STK32B: variants seen among roughly 807,000 people sequenced by gnomAD.
STK32B encodes serine/threonine-protein kinase 32B.
In STK32B, 43 loss-of-function variants were observed where a neutral mutation model predicts 52.6. The observed-to-expected ratio is 0.82, with a 90% CI of 0.64 to 1.05. The LOEUF is 1.05. Ranked by LOEUF, STK32B falls within the 50% of genes least tolerant of loss-of-function variation. The pLI is 0.00. For synonymous variants in STK32B, 238 were observed against 204.3 expected, an observed-to-expected ratio of 1.17 and a Z score of -1.41; for missense variants, 621 against 534.6, an observed-to-expected ratio of 1.16 and a Z score of -1.59.
chr4:5,389,148 A>G lies in STK32B; in HGVS notation c.435-9059A>G, dbSNP rs921171377. On this transcript the variant is annotated intron_variant, in intron 4 of 11. Coordinates refer to ENST00000282908, the MANE Select transcript of STK32B (RefSeq NM_018401.3). ...ACATTATTAGGCTGTGTGTACATTT[A>G]AAAAATTGTTTCCATGCCTTCAAAT... 2.6e-5 allele frequency among the ~76,000 whole-genome samples: 4 copies of G among 152,202 alleles called. No individual in the cohort carries two copies. The South Asian group carries it at 8.3e-4, about 32-fold the overall frequency.
chr4:5,483,658 T>C (rs1437110586), intron 11 of STK32B, among the ~76,000 whole-genome samples: 1 of 152,194 alleles, frequency 6.6e-6, no homozygotes, highest in African/African-American at 2.4e-5. Context: ...CTTGCTTTTC[T>C]AGTTCTTTTA....
At chr4:5,450,187 C>A (rs1161222430) in intron 7 of STK32B, among the ~76,000 whole-genome samples, 1 of 152,144 alleles carries the variant, frequency 6.6e-6, no homozygotes. Context: ...TAGTTCTTAC[C>A]CTGGCAGGCA....
At chr4:5,216,249 T>G (rs1723176048) in intron 3 of STK32B, among the ~76,000 whole-genome samples, 1 of 152,162 alleles carries the variant, frequency 6.6e-6, no homozygotes, top group Non-Finnish European at 1.5e-5. Flanking sequence ...ATGCTGCTGG[T>G]CTGGGGAGCC....
intron 2 of STK32B, among the ~76,000 whole-genome samples, chr4:5,165,436 G>A (rs1218939663): frequency 6.6e-6 from 1 of 152,132 alleles, no homozygotes; most frequent in Non-Finnish European, 1.5e-5. Context: ...AAACCCAGAA[G>A]CGCCATGGAT....
intron 3 of STK32B, among the ~76,000 whole-genome samples, chr4:5,279,807 C>T (rs369837697): frequency 2.0e-5 from 3 of 152,328 alleles, no homozygotes; most frequent in East Asian, 3.9e-4. Flanking sequence ...AGGCTGGGGA[C>T]TTGCACCCTC....
At chr4:5,239,870 G>A (rs9992267) in intron 3 of STK32B, among the ~76,000 whole-genome samples, 3,510 of 151,768 alleles carry the variant, frequency 0.023, 127 homozygotes, top group African/African-American at 0.078. Flanking sequence ...CTACTTGATC[G>A]GTTCCAAATG....
In STK32B at chr4:5,331,273, G is replaced by T; in HGVS notation, c.314G>T (p.Gly105Val). ...TTCATGGTGGTGGACCTGCTCCTGG[G>T]AGGCGACCTGCGCTACCATCTGCAG... The part of the protein sequence containing the change: ...DMFMVVDLLL[G>V]GDLRYHLQQN... The change falls in exon 4 of 12, where the codon GGA (glycine) becomes GTA (valine). Residue 105 changes from glycine (G) to valine (V), a missense_variant. Transcript: ENST00000282908. 1 of 1,613,892 alleles carries T rather than the reference G, an allele frequency of 6.2e-7. No homozygotes were observed. Among genetic ancestry groups the T allele is most frequent in the Non-Finnish European group, 8.5e-7 (1 of 1,179,896 alleles).
chr4:5,229,354 C>G (rs1481001767), intron 3 of STK32B, among the ~76,000 whole-genome samples: 1 of 152,036 alleles, frequency 6.6e-6, no homozygotes, highest in Non-Finnish European at 1.5e-5. Flanking sequence ...CTCACCACTA[C>G]GTAATGTATC....
At position 5,378,695 on chromosome 4, in the gene STK32B, A is replaced by G. The variant is rs1475445394; in HGVS notation, c.435-19512A>G. Among the ~76,000 whole-genome samples, 3 of 152,140 alleles carry G rather than the reference A, an allele frequency of 2.0e-5. No homozygotes were observed. Among genetic ancestry groups the G allele is most frequent in the Non-Finnish European group, 4.4e-5 (3 of 68,026 alleles). ...CAGACATGCAGTGTGAAATAAGCAC[A>G]TCGTGGAGAATGGACTCTGCATTTT... is the stretch of plus-strand genomic sequence containing the variant. On this transcript the variant is annotated intron_variant, in intron 4 of 11. Coordinates refer to ENST00000282908, the MANE Select transcript of STK32B (RefSeq NM_018401.3). This position sits in a 1 kb window ranked among gnomAD's most constrained non-coding sequence, Gnocchi z 4.4.
rs575700508 is a variant in STK32B, at chr4:5,343,016, T to C, written c.434+11623T>C. Among the ~76,000 whole-genome samples, 14 of 152,268 alleles carry C rather than the reference T, an allele frequency of 9.2e-5. No homozygotes were observed. The South Asian group carries it at 2.9e-3, about 32-fold the overall frequency. On this transcript the variant is annotated intron_variant, in intron 4 of 11. Transcript: ENST00000282908. ...GCACAACATGCAGGTTTGTTACATA[T>C]ATATACATGTGCCATGTTGGTGTGC...
In STK32B at chr4:5,469,007, G is replaced by A. The variant is rs557981734; in HGVS notation, c.1106+937G>A. 6.8e-4 allele frequency among the ~76,000 whole-genome samples: 101 copies of A among 149,576 alleles called. 1 individual carries two copies. Among genetic ancestry groups the A allele is most frequent in the African/African-American group, 2.4e-3 (95 of 40,340 alleles). On this transcript the variant is annotated intron_variant, in intron 11 of 11. Transcript: ENST00000282908. This position sits in a 1 kb window ranked among gnomAD's most constrained non-coding sequence, Gnocchi z 4.7. ...AGAGCTTGCAGTGAGCCGAGATCGC[G>A]CACACTGCACTCCAGCCTGGGCGAC...
chr4:5,336,817 A>C (rs890116293), intron 4 of STK32B, among the ~76,000 whole-genome samples: 3 of 152,216 alleles, frequency 2.0e-5, no homozygotes, highest in Admixed American at 2.0e-4. Context: ...CCAGACCTGA[A>C]ATACATGATT....
At chr4:5,271,668 CTT>C (rs1727440141) in intron 3 of STK32B, among the ~76,000 whole-genome samples, 1 of 147,456 alleles carries the variant, frequency 6.8e-6, no homozygotes, top group East Asian at 2.0e-4. Flanking sequence ...TTTGTATCCT[CTT>C]TTATTTCCTT....
intron 3 of STK32B, among the ~76,000 whole-genome samples, chr4:5,286,608 C>T (rs1728558915): frequency 6.6e-6 from 1 of 152,004 alleles, no homozygotes; most frequent in Non-Finnish European, 1.5e-5. Flanking sequence ...TGAGATCTAT[C>T]CATTTTGTTG....
intron 3 of STK32B, among the ~76,000 whole-genome samples, chr4:5,178,235 A>G (rs184451789): frequency 1.6e-4 from 24 of 152,376 alleles, no homozygotes; most frequent in African/African-American, 4.6e-4. Flanking sequence ...CCATATGCCC[A>G]ACACCACATG....
At chr4:5,292,126 G>C (rs569151893) in intron 3 of STK32B, among the ~76,000 whole-genome samples, 4 of 152,100 alleles carry the variant, frequency 2.6e-5, no homozygotes, top group Admixed American at 6.5e-5. Context: ...GTCTTTTTTG[G>C]TACAACAATT....
chr4:5,147,237 T>C (rs1054783544), intron 2 of STK32B, among the ~76,000 whole-genome samples: 4 of 152,110 alleles, frequency 2.6e-5, no homozygotes, highest in African/African-American at 9.7e-5. Context: ...TAGTTTTTAA[T>C]TGTTTACTAG....
chr4:5,051,922 G>C lies in STK32B; in HGVS notation c.52+7G>C, dbSNP rs375596921. 3 of 1,591,718 alleles carry C rather than the reference G, an allele frequency of 1.9e-6. No homozygotes were observed. Among genetic ancestry groups the C allele is most frequent in the African/African-American group, 1.3e-5 (1 of 74,154 alleles). On this transcript the variant is annotated splice_region_variant and intron_variant, in intron 1 of 11. Transcript: ENST00000282908. Reference sequence around the variant, plus strand: ...TTTGACGAGAATGAGGAAGGTAAGAGAGCGAGAGGTGCGAATTCCCGCTTC... The same window carrying C: ...TTTGACGAGAATGAGGAAGGTAAGACAGCGAGAGGTGCGAATTCCCGCTTC...
Position 5,470,578 on chromosome 4 carries a change from C to G in STK32B, c.1106+2508C>G, listed in dbSNP as rs114361598. On this transcript the variant is annotated intron_variant, in intron 11 of 11. Coordinates refer to ENST00000282908, the MANE Select transcript of STK32B (RefSeq NM_018401.3). This position sits in a 1 kb window ranked among gnomAD's most constrained non-coding sequence, Gnocchi z 4.6. The stretch of plus-strand genomic sequence containing the variant: ...CAGGCTTACTGCCATATAAAGGTGT[C>G]CAGGAGAGGGTTTTGCTGTGTCCCC... Among the ~76,000 whole-genome samples, 1 of 152,026 alleles carries G rather than the reference C, an allele frequency of 6.6e-6. No homozygotes were observed. The highest frequency in any genetic ancestry group is 6.6e-5 in the Admixed American group (1 of 15,254).
Sources: gnomAD v4.1 joint callset for allele counts (sites outside exome capture counted in the v4.1 genomes callset) on GRCh38, gnomAD v4.1.1 for gene constraint, Gnocchi (gnomAD v3.1) non-coding constraint, MANE v1.5 for transcripts, NCBI Gene and HGNC (gene_info 2026-07-23, HGNC 2026-07-21) for gene names.